Variants in VPS13B observed in about 807,000 individuals in gnomAD.
VPS13B encodes vacuolar protein sorting 13 homolog B.
A neutral mutation model predicts 426.4 loss-of-function variants in VPS13B; 285 were observed. The observed-to-expected ratio is 0.67, with a 90% confidence interval of 0.61 to 0.74. VPS13B has a LOEUF of 0.74. VPS13B is among the 30% of genes least tolerant of loss of function. VPS13B has a pLI of 0.00. For synonymous variants in VPS13B, 1,676 were observed against 1,676.4 expected, an observed-to-expected ratio of 1.00 and a Z score of 0.01; for missense variants, 4,537 against 4,782.6, an observed-to-expected ratio of 0.95 and a Z score of 1.51.
At chr8:99,312,975 G>A (rs1389428698) in intron 19 of VPS13B, among the ~76,000 whole-genome samples, 2 of 152,180 alleles carry the variant, frequency 1.3e-5, no homozygotes, top group African/African-American at 4.8e-5. Context: ...AAGGAAGGTT[G>A]TGCATTTGTC....
At chr8:99,545,918 T>C (rs1428028904) in intron 30 of VPS13B, among the ~76,000 whole-genome samples, 1 of 152,028 alleles carries the variant, frequency 6.6e-6, no homozygotes, top group Non-Finnish European at 1.5e-5. Context: ...GTAGCCCTTG[T>C]TGCTAACTAG....
chr8:99,688,766 C>G (rs1397195017), intron 35 of VPS13B, among the ~76,000 whole-genome samples: 1 of 151,974 alleles, frequency 6.6e-6, no homozygotes, highest in Admixed American at 6.5e-5. Context: ...AAAAGCCATA[C>G]AAATGTATGT....
At chr8:99,692,814 A>G (rs1459213184) in intron 35 of VPS13B, among the ~76,000 whole-genome samples, 3 of 147,508 alleles carry the variant, frequency 2.0e-5, no homozygotes, top group African/African-American at 2.5e-5. Flanking sequence ...TTATAAAGAA[A>G]AAAAGAGAGA....
intron 35 of VPS13B, chr8:99,697,724 G>C: frequency 4.8e-6 from 3 of 625,364 alleles, no homozygotes; most frequent in Non-Finnish European, 9.1e-6. Flanking sequence ...CTGCAAGCTG[G>C]GCCTGGCCTA....
In VPS13B at chr8:99,275,171, G is replaced by A. The variant is rs1258012195; in HGVS notation, c.2741G>A (p.Arg914Lys). The change falls in exon 19 of 62, where the codon AGA (arginine) becomes AAA (lysine). Residue 914 changes from arginine (R) to lysine (K), a missense_variant. By Grantham distance (26) the Arg-to-Lys change is conservative (BLOSUM62 2). This residue lies in a region of VPS13B where 4,311 missense variants were observed against 4,474.3 expected (regional missense o/e 0.96). Transcript: ENST00000357162. ...LHSTKWLNES[R>K]KPESLLAPDL... ...AGCACCAAGTGGCTCAATGAGAGTA[G>A]AAAGCCAGAGTCTCTCTTAGCTCCA... 1.2e-6 allele frequency: 2 copies of A among 1,612,726 alleles called. No individual in the cohort carries two copies. The highest frequency in any genetic ancestry group is 2.2e-5 in the East Asian group (1 of 44,758).
intron 33 of VPS13B, among the ~76,000 whole-genome samples, chr8:99,608,310 A>C (rs373153857): frequency 8.7e-5 from 13 of 149,626 alleles, no homozygotes; most frequent in African/African-American, 3.0e-4. Context: ...CACCATGCCC[A>C]GCTAATTTTT....
chr8:99,163,663 G>A (rs1811817485), intron 15 of VPS13B, among the ~76,000 whole-genome samples: 1 of 152,204 alleles, frequency 6.6e-6, no homozygotes, highest in Non-Finnish European at 1.5e-5. Context: ...CTCATTGCCC[G>A]GGGCCAGCAG....
chr8:99,443,630 G>A (rs913204432), intron 23 of VPS13B, among the ~76,000 whole-genome samples: 2 of 152,078 alleles, frequency 1.3e-5, no homozygotes, highest in Non-Finnish European at 2.9e-5. Context: ...TTTTAAGATT[G>A]ATTCATGTTG....
chr8:99,391,483 A>C, intron 20 of VPS13B, 74 bp from the exon 21 acceptor site: 1 of 1,609,798 alleles, frequency 6.2e-7, no homozygotes, highest in Non-Finnish European at 8.5e-7. Context: ...CAGTATTGCC[A>C]TGTTTAACCT....
chr8:99,848,062 T>A (rs1044084890), intron 54 of VPS13B, among the ~76,000 whole-genome samples: 1 of 152,192 alleles, frequency 6.6e-6, no homozygotes, highest in African/African-American at 2.4e-5. Flanking sequence ...GGAGTTGTTT[T>A]TTAAATAGCC....
intron 33 of VPS13B, among the ~76,000 whole-genome samples, chr8:99,635,108 A>T (rs868161755): frequency 6.6e-6 from 1 of 151,986 alleles, no homozygotes; most frequent in African/African-American, 2.4e-5. Flanking sequence ...TGTTTACACA[A>T]TGAGGTGCAT....
At chr8:99,643,877 G>C (rs1368047738) in intron 34 of VPS13B, among the ~76,000 whole-genome samples, 1 of 152,152 alleles carries the variant, frequency 6.6e-6, no homozygotes, top group Non-Finnish European at 1.5e-5. Flanking sequence ...TGAAAATGTG[G>C]GAGATGCTGG....
intron 23 of VPS13B, among the ~76,000 whole-genome samples, chr8:99,454,641 G>C (rs759981963): frequency 1.3e-5 from 2 of 151,980 alleles, no homozygotes; most frequent in Non-Finnish European, 2.9e-5. Flanking sequence ...GGCTTCTTTC[G>C]ATAAATACTA....
In VPS13B at chr8:99,848,608, A is replaced by AT. The variant is rs949966930; in HGVS notation, c.9943-160dup. On this transcript the variant is annotated intron_variant, in intron 54 of 61. Coordinates refer to ENST00000357162, the MANE Select transcript of VPS13B (RefSeq NM_152564.5). ...AAAATCTGGTTTTGATCTTTTGGGT[A>AT]TTTTTTTTCATTTCAAGTCAACTGA... is the stretch of plus-strand genomic sequence containing the variant. 1.2e-4 allele frequency among the ~76,000 whole-genome samples: 19 copies of AT among 152,004 alleles called. No homozygotes were observed. In the East Asian group the frequency reaches 2.5e-3, roughly 20 times the overall value.
chr8:99,798,901 A>T (rs1022569148), intron 43 of VPS13B, among the ~76,000 whole-genome samples: 11 of 152,210 alleles, frequency 7.2e-5, no homozygotes, highest in Non-Finnish European at 1.6e-4. Context: ...CAGCTGGCCT[A>T]TTAAAGCATG....
At chr8:99,868,101 G>T in intron 58 of VPS13B, 188 bp from the exon 59 acceptor site, 1 of 664,938 alleles carries the variant, frequency 1.5e-6, no homozygotes, top group Non-Finnish European at 2.5e-6. Context: ...ATTGTATTTT[G>T]ATGACGATAA....
At position 99,740,545 on chromosome 8, in the gene VPS13B, T is replaced by A. The variant is rs1167172604; in HGVS notation, c.7050+19498T>A. 3.9e-5 allele frequency among the ~76,000 whole-genome samples: 6 copies of A among 151,976 alleles called. No individual in the cohort carries two copies. The East Asian group carries it at 9.7e-4, about 25-fold the overall frequency. ...GTCAGATTCACCAAAGTTGAAACAA[T>A]GGAAAAAATGTTAAGGGCAGCCAGA... On this transcript the variant is annotated intron_variant, in intron 39 of 61. Transcript: ENST00000357162.
intron 33 of VPS13B, among the ~76,000 whole-genome samples, chr8:99,606,306 C>T (rs566196781): frequency 6.6e-6 from 1 of 152,138 alleles, no homozygotes; most frequent in Admixed American, 6.5e-5. Context: ...GAAATTATCA[C>T]AAACTTAGTG....
chr8:99,375,314 CTT>C (rs1813421539), intron 19 of VPS13B, among the ~76,000 whole-genome samples: 1 of 152,148 alleles, frequency 6.6e-6, no homozygotes, highest in Non-Finnish European at 1.5e-5. Context: ...AGACCTTTGA[CTT>C]TTATAGTTTT....
Sources: allele counts gnomAD v4.1 joint callset (sites outside exome capture counted in the v4.1 genomes callset), GRCh38; gene constraint gnomAD v4.1.1; regional missense constraint gnomAD v4.1.1; transcripts MANE v1.5; gene names NCBI Gene and HGNC (gene_info 2026-07-23, HGNC 2026-07-21).